TLL2: variants seen among roughly 807,000 people sequenced by gnomAD.
TLL2 encodes tolloid-like protein 2.
In TLL2, 106 loss-of-function variants were observed where a neutral mutation model predicts 123.0. That is an observed-to-expected ratio of 0.86 (90% CI 0.74 to 1.01). TLL2 has a LOEUF of 1.01. Among genes scored for constraint, TLL2 ranks in the 50% least tolerant of loss-of-function variants. The pLI is 0.00. For missense variants in TLL2, 1,332 were observed against 1,336.7 expected (o/e 1.00, Z 0.06); for synonymous variants, 494 against 516.8 (o/e 0.96, Z 0.60).
At chr10:96,482,722 A>G (rs933077240) in intron 1 of TLL2, among the ~76,000 whole-genome samples, 1 of 152,236 alleles carries the variant, frequency 6.6e-6, no homozygotes, top group Admixed American at 6.5e-5. Context: ...GTTGCTGGAA[A>G]TGCTCTAGAA....
chr10:96,395,439 G>T (rs1057492719), intron 12 of TLL2, 57 bp from the exon 13 acceptor site: 4 of 1,480,290 alleles, frequency 2.7e-6, no homozygotes, highest in South Asian at 1.4e-5. Context: ...TAAGGTTTTT[G>T]ATTTAAGAAG....
chr10:96,476,897 CGCAA>C (rs1847262720), intron 2 of TLL2, among the ~76,000 whole-genome samples: 1 of 148,566 alleles, frequency 6.7e-6, no homozygotes, highest in Non-Finnish European at 1.5e-5. Context: ...CACACACACA[CGCAA>C]ACATGCACAC....
At chr10:96,466,011 G>A (rs1847128606) in intron 2 of TLL2, among the ~76,000 whole-genome samples, 1 of 152,182 alleles carries the variant, frequency 6.6e-6, no homozygotes, top group Non-Finnish European at 1.5e-5. Flanking sequence ...GACAAGATTT[G>A]GCTGGCTGGT....
chr10:96,447,407 G>T (rs2134087852), intron 2 of TLL2, among the ~76,000 whole-genome samples: 1 of 152,350 alleles, frequency 6.6e-6, no homozygotes, highest in South Asian at 2.1e-4. Context: ...GCAGAAGCGG[G>T]GTGAACAGTT....
At chr10:96,447,235 G>A (rs528418890) in intron 2 of TLL2, among the ~76,000 whole-genome samples, 1 of 152,396 alleles carries the variant, frequency 6.6e-6, no homozygotes, top group South Asian at 2.1e-4. Flanking sequence ...AGTGGGAACA[G>A]GGCCAGAGAG....
chr10:96,410,284 TAAC>T, intron 9 of TLL2, 72 bp downstream of exon 9: 1 of 1,074,312 alleles, frequency 9.3e-7, no homozygotes, highest in Non-Finnish European at 1.4e-6. Context: ...TTTTTACTAT[TAAC>T]AATAAGAACT....
intron 14 of TLL2, 92 bp downstream of exon 14, chr10:96,386,861 C>A (rs1846239034): frequency 6.4e-6 from 10 of 1,571,016 alleles, no homozygotes; most frequent in Non-Finnish European, 7.8e-6. Context: ...ATCGTTCCTA[C>A]ACAGCCAGCT....
At chr10:96,468,578 G>C (rs547199241) in intron 2 of TLL2, among the ~76,000 whole-genome samples, 1 of 152,302 alleles carries the variant, frequency 6.6e-6, no homozygotes, top group East Asian at 1.9e-4. Flanking sequence ...GTGGGATTCT[G>C]TATCTCACAA....
chr10:96,445,301 C>A lies in TLL2; in HGVS notation c.364+790G>T, dbSNP rs1440149442. Among the ~76,000 whole-genome samples, 5 of 152,250 alleles carry A rather than the reference C, an allele frequency of 3.3e-5. No homozygotes were observed. In the East Asian group the frequency reaches 7.7e-4, roughly 23 times the overall value. Reference sequence around the variant, plus strand: ...GCAGGCCAGACGGGAAGTCCAGCAGCCCCTCTCCTCCAGCACTGCTTCTGA... The same window carrying A: ...GCAGGCCAGACGGGAAGTCCAGCAGACCCTCTCCTCCAGCACTGCTTCTGA... On this transcript the variant is annotated intron_variant, in intron 3 of 20. Coordinates refer to ENST00000357947, the MANE Select transcript of TLL2 (RefSeq NM_012465.4).
intron 13 of TLL2, among the ~76,000 whole-genome samples, chr10:96,389,823 A>G (rs1846268892): frequency 6.6e-6 from 1 of 152,246 alleles, no homozygotes. Flanking sequence ...TAATTCCTCC[A>G]GAGACTAGAA....
At chr10:96,411,803 C>T (rs1846509848) in intron 8 of TLL2, among the ~76,000 whole-genome samples, 1 of 152,186 alleles carries the variant, frequency 6.6e-6, no homozygotes, top group Non-Finnish European at 1.5e-5. Flanking sequence ...TTTTTTGGAG[C>T]TGCAGGAAGG....
intron 1 of TLL2, among the ~76,000 whole-genome samples, chr10:96,485,441 A>G (rs948956664): frequency 1.3e-5 from 2 of 152,208 alleles, no homozygotes; most frequent in Non-Finnish European, 2.9e-5. Flanking sequence ...GAACTCTTAC[A>G]ATTCAACAAC....
At chr10:96,492,512 T>C (rs1847424785) in intron 1 of TLL2, among the ~76,000 whole-genome samples, 1 of 152,232 alleles carries the variant, frequency 6.6e-6, no homozygotes, top group African/African-American at 2.4e-5. Flanking sequence ...TAATCCCAGC[T>C]ATTCGGGAGG....
chr10:96,501,574 C>G (rs1166227329), intron 1 of TLL2, among the ~76,000 whole-genome samples: 1 of 152,208 alleles, frequency 6.6e-6, no homozygotes, highest in African/African-American at 2.4e-5. Flanking sequence ...TTCCACTGTT[C>G]CAAGCTTATT....
rs1016749044 is a variant in TLL2, at chr10:96,506,267, A to AG, written c.175+7243_175+7244insC. On this transcript the variant is annotated intron_variant, in intron 1 of 20. Transcript: ENST00000357947. ...ACCCCATCTCAAAAAAAAAAAAAAG[A>AG]AAAAAAAAAAAGAAAAAAGGAAAGT... Among the ~76,000 whole-genome samples the AG allele has an allele frequency of 1.5e-3, 108 of 73,806 alleles. 4 individuals are homozygous for AG. In the East Asian group the frequency reaches 0.018, roughly 12 times the overall value. The allele number at this position is 73,806 out of a possible 152,430, so 48.4% of individuals were successfully genotyped here.
At chr10:96,373,944 GC>G in intron 18 of TLL2, 135 bp from the exon 19 acceptor site, 1 of 722,294 alleles carries the variant, frequency 1.4e-6, no homozygotes, top group Non-Finnish European at 2.3e-6. Flanking sequence ...GGGGTGTGTG[GC>G]CGTGATGATG....
In TLL2 at chr10:96,365,591, G is replaced by A. The variant is rs1283770081; in HGVS notation, c.*2497C>T. 6.6e-6 allele frequency: 1 copy of A among 152,246 alleles called. No individual in the cohort carries two copies. Among genetic ancestry groups the A allele is most frequent in the African/African-American group, 2.4e-5 (1 of 41,466 alleles). 9.4% of individuals were successfully genotyped at this position (152,246 alleles called of 1,614,324 possible). A position where few individuals can be genotyped will look rare whatever the true frequency, so the allele number is the denominator to read the frequency against. On this transcript the variant is annotated 3_prime_UTR_variant, in exon 21 of 21. Transcript: ENST00000357947. ...TGCAGTGATATCTTCTACCTCTGCT[G>A]TTTGCTTCTGGGGATGCTTGCAGGC...
intron 15 of TLL2, 41 bp downstream of exon 15, chr10:96,386,014 C>G: frequency 1.3e-6 from 2 of 1,522,290 alleles, no homozygotes; most frequent in Non-Finnish European, 1.8e-6. Flanking sequence ...CTGAGTCACC[C>G]CTCAATACAG....
intron 18 of TLL2, among the ~76,000 whole-genome samples, chr10:96,374,969 G>C (rs1197931343): frequency 8.2e-5 from 12 of 146,192 alleles, no homozygotes; most frequent in African/African-American, 1.2e-4. Context: ...TGCGGGGGGG[G>C]GGGGGGGGTG....
Sources: allele counts gnomAD v4.1 joint callset (sites outside exome capture counted in the v4.1 genomes callset), GRCh38; gene constraint gnomAD v4.1.1; transcripts MANE v1.5; gene names NCBI Gene and HGNC (gene_info 2026-07-23, HGNC 2026-07-21).